PDXDC1: variants seen among roughly 807,000 people sequenced by gnomAD.
PDXDC1 encodes the protein pyridoxal-dependent decarboxylase domain-containing protein 1.
PDXDC1 carries 42 observed loss-of-function variants against 100.1 expected under a neutral mutation model. The observed-to-expected ratio is 0.42, with a 90% confidence interval of 0.33 to 0.54. The LOEUF (loss-of-function observed/expected upper bound fraction) is 0.54, where lower values mean the gene tolerates loss of function less well. Ranked by LOEUF, PDXDC1 falls within the 20% of genes least tolerant of loss-of-function variation. PDXDC1 has a pLI of 0.10. For missense variants in PDXDC1, 636 were observed against 979.2 expected (o/e 0.65, Z 4.68); for synonymous variants, 260 against 371.7 (o/e 0.70, Z 3.46).
chr16:15,036,270 A>C lies in PDXDC1; in HGVS notation c.2362A>C (p.Arg788=). Residue 788 remains arginine, a synonymous_variant, in exon 23 of 23, where the codon AGA becomes CGA. Transcript: ENST00000396410. ...ACAGGTAGAAGGACCGGAGAGCTTA[A>C]GATGAGACTCATTGTGTGGTTTGAG... The part of the protein sequence containing the change: ...HSQVEGPESL[R] 1 of 1,613,432 alleles carries C rather than the reference A, an allele frequency of 6.2e-7. No individual in the cohort carries two copies. The highest frequency in any genetic ancestry group is 1.1e-5 in the South Asian group (1 of 91,040).
intron 16 of PDXDC1, among the ~76,000 whole-genome samples, chr16:15,065,825 TGA>T: frequency 6.6e-6 from 1 of 152,272 alleles, no homozygotes; most frequent in South Asian, 2.1e-4. Context: ...AGAGACTTGC[TGA>T]AGAAGCACTG....
At chr16:15,042,986 T>A (rs548309276), downstream of PDXDC1, among the ~76,000 whole-genome samples, 1 of 147,204 alleles carries the variant, frequency 6.8e-6, no homozygotes, top group East Asian at 2.0e-4. Flanking sequence ...CCGCAACCTA[T>A]ACCTCCCGGG....
intron 16 of PDXDC1, among the ~76,000 whole-genome samples, chr16:15,062,760 T>C (rs1333774157): frequency 6.6e-6 from 1 of 152,242 alleles, no homozygotes; most frequent in East Asian, 1.9e-4. Flanking sequence ...GTATGTGAAG[T>C]GTCTGGTTTA....
chr16:15,016,656 T>C (rs1360924936), intron 9 of PDXDC1, among the ~76,000 whole-genome samples: 16 of 152,274 alleles, frequency 1.1e-4, no homozygotes, highest in Non-Finnish European at 1.8e-4. Flanking sequence ...TTCTTTGCTC[T>C]CCTCTGGAGC....
At chr16:15,087,660 C>T (rs1411298685) in intron 16 of PDXDC1, among the ~76,000 whole-genome samples, 1 of 152,118 alleles carries the variant, frequency 6.6e-6, no homozygotes, top group African/African-American at 2.4e-5. Flanking sequence ...TTTCATATGT[C>T]CACAACTGTT....
chr16:15,112,261 C>T (rs1247795154), intron 16 of PDXDC1, among the ~76,000 whole-genome samples: 1 of 148,660 alleles, frequency 6.7e-6, no homozygotes, highest in South Asian at 2.2e-4. Context: ...GTCAGTCAAC[C>T]ATGCTGAAGT....
intron 16 of PDXDC1, chr16:15,125,947 C>G (rs903234549): frequency 4.9e-6 from 3 of 614,474 alleles, no homozygotes; most frequent in African/African-American, 3.6e-5. Flanking sequence ...TATGGGACAT[C>G]TGCACCGTCC....
rs769815987 is a variant in PDXDC1 at position 15,036,223 on chromosome 16, C to T, written c.2315C>T (p.Pro772Leu). ...ACCGAGGCCTTCCAGAAAGGGGTCCCACACCCAGAAGATGACCACTCACAG... is the reference window on the plus strand; with the variant it reads ...ACCGAGGCCTTCCAGAAAGGGGTCCTACACCCAGAAGATGACCACTCACAG... ...DQTEAFQKGV[P>L]HPEDDHSQVE... The change falls in exon 23 of 23, where the codon CCA becomes CTA. Residue 772 changes from proline to leucine, a missense_variant. Pro to Leu is a moderately conservative substitution (Grantham distance 98). Coordinates refer to ENST00000396410, the MANE Select transcript of PDXDC1 (RefSeq NM_015027.4). 57 of 1,614,048 alleles carry T rather than the reference C, an allele frequency of 3.5e-5. 1 individual carries two copies. In the East Asian group the frequency reaches 8.7e-4, roughly 25 times the overall value.
intron 1 of PDXDC1, chr16:14,989,701 A>C: frequency 6.4e-7 from 1 of 1,559,734 alleles, no homozygotes; most frequent in Non-Finnish European, 8.6e-7. Context: ...AGCTGCAGGC[A>C]ACGCACGCGG....
intron 16 of PDXDC1, chr16:15,130,444 G>C: frequency 3.4e-6 from 5 of 1,475,188 alleles, no homozygotes; most frequent in Non-Finnish European, 4.7e-6. Context: ...CTCCCCACTG[G>C]GTCTCTGGTC....
chr16:14,995,761 C>G (rs1368658218), intron 1 of PDXDC1, among the ~76,000 whole-genome samples: 1 of 152,268 alleles, frequency 6.6e-6, no homozygotes, highest in Non-Finnish European at 1.5e-5. Context: ...GCTGTGAATC[C>G]CTCTGGTCCC....
chr16:15,112,253 C>CA (rs1320674262), intron 16 of PDXDC1, among the ~76,000 whole-genome samples: 1 of 148,702 alleles, frequency 6.7e-6, no homozygotes, highest in Admixed American at 6.8e-5. Context: ...GACGGAGTGT[C>CA]AGTCAACCAT....
chr16:15,022,890 C>T (rs1275889840), intron 13 of PDXDC1, 136 bp downstream of exon 13: 1 of 770,060 alleles, frequency 1.3e-6, no homozygotes, highest in Non-Finnish European at 2.0e-6. Flanking sequence ...AAAAACAAAA[C>T]AAAAAAACGA....
At chr16:15,141,522 CAGAG>C (rs1022958795), downstream of PDXDC1, among the ~76,000 whole-genome samples, 1 of 152,188 alleles carries the variant, frequency 6.6e-6, no homozygotes, top group African/African-American at 2.4e-5. Flanking sequence ...GTGGGACACT[CAGAG>C]AGCCTATGCC....
At chr16:15,140,840 C>T (rs1379173685), downstream of PDXDC1, among the ~76,000 whole-genome samples, 3 of 152,172 alleles carry the variant, frequency 2.0e-5, no homozygotes, top group East Asian at 3.9e-4. Context: ...GGGACTGTGG[C>T]TCCGCAGGTC....
rs1292904737 is a variant in PDXDC1, at chr16:15,077,165, G to C, written c.1399+47109G>C. On this transcript the variant is annotated intron_variant, in intron 16 of 16. Transcript: ENST00000535621. ...CAGCTAATTTTGTATTTTTAGTAGA[G>C]ATGGGGTTACTCCATGTTAGTCAGG... Among the ~76,000 whole-genome samples, 8 of 151,784 alleles carry C rather than the reference G, an allele frequency of 5.3e-5. No individual in the cohort carries two copies. The East Asian group carries it at 1.6e-3, about 30-fold the overall frequency.
At chr16:14,987,812 A>T (rs1186027719) in intron 1 of PDXDC1, among the ~76,000 whole-genome samples, 1 of 152,218 alleles carries the variant, frequency 6.6e-6, no homozygotes, top group East Asian at 1.9e-4. Context: ...GGGTTTTGCT[A>T]TGTTGGCCAG....
At position 15,131,933 on chromosome 16, in the gene PDXDC1, G is replaced by A. The variant is rs1380234534; in HGVS notation, c.1400-6946G>A. On this transcript the variant is annotated intron_variant, in intron 16 of 16. Transcript: ENST00000535621. ...AAGATGAGGGGGATGATGGGGAGAG[G>A]GAGGAAAAAGGAAGGAAAAGGGTAG... is the stretch of plus-strand genomic sequence containing the variant. Among the ~76,000 whole-genome samples the A allele has an allele frequency of 3.2e-3, 39 of 12,310 alleles. 1 individual carries two copies. Among genetic ancestry groups the A allele is most frequent in the African/African-American group, 0.016 (38 of 2,410 alleles). The allele number at this position is 12,310 out of a possible 152,430, so 8.1% of individuals were successfully genotyped here.
downstream of PDXDC1, among the ~76,000 whole-genome samples, chr16:15,042,718 C>CTATTTATTTATTTATTTATTTATTTATT (rs58123477): frequency 2.0e-5 from 3 of 147,004 alleles, no homozygotes; most frequent in East Asian, 4.0e-4. Context: ...AAAGGATGAA[C>CTATTTATTTATTTATTTATTTATTTATT]TATTTATTTA....
Sources: gnomAD v4.1 joint callset for allele counts (sites outside exome capture counted in the v4.1 genomes callset) on GRCh38, gnomAD v4.1.1 for gene constraint, MANE v1.5 for transcripts, NCBI Gene and HGNC (gene_info 2026-07-23, HGNC 2026-07-21) for gene names.